Variants in LNPK observed in about 807,000 individuals in gnomAD.
LNPK encodes endoplasmic reticulum junction formation protein lunapark.
In LNPK, 29 loss-of-function variants were observed where a neutral mutation model predicts 55.2. That is an observed-to-expected ratio of 0.53 (90% CI 0.39 to 0.72). LNPK has a LOEUF of 0.72. Ranked by LOEUF, LNPK falls within the 30% of genes least tolerant of loss-of-function variation. The probability of loss-of-function intolerance (pLI) is 0.00; values close to 1 mark genes in which losing one functional copy is unlikely to be tolerated. For synonymous variants in LNPK, 162 were observed against 168.2 expected, an observed-to-expected ratio of 0.96 and a Z score of 0.29; for missense variants, 467 against 494.8, an observed-to-expected ratio of 0.94 and a Z score of 0.53.
At position 175,926,175 on chromosome 2, in the gene LNPK, G is replaced by C. The variant is rs560778059; in HGVS notation, c.*3792C>G. 1 of 152,260 alleles carries C rather than the reference G, an allele frequency of 6.6e-6. No homozygotes were observed. The highest frequency in any genetic ancestry group is 2.4e-5 in the African/African-American group (1 of 41,532). The allele number at this position is 152,260 out of a possible 1,614,324, so 9.4% of individuals were successfully genotyped here. On this transcript the variant is annotated 3_prime_UTR_variant, in exon 13 of 13. Coordinates refer to ENST00000272748, the MANE Select transcript of LNPK (RefSeq NM_030650.3). ...CAAATCCCTCTTTTTCCACTTACCA[G>C]GTATACAATTTTAAGCAAAGTTGCT...
Position 175,929,785 on chromosome 2 carries a change from T to C in LNPK, c.*182A>G. On this transcript the variant is annotated 3_prime_UTR_variant, in exon 13 of 13. Coordinates refer to ENST00000272748, the MANE Select transcript of LNPK (RefSeq NM_030650.3). ...AGGATCTTACTTCACTGATATAACT[T>C]GCTTTTAATTTTAATACCCAGTATA... The C allele has an allele frequency of 7.0e-7, 1 of 1,425,464 alleles. No individual in the cohort carries two copies. Among genetic ancestry groups the C allele is most frequent in the Non-Finnish European group, 9.1e-7 (1 of 1,094,270 alleles). The allele number at this position is 1,425,464 out of a possible 1,614,324, so 88.3% of individuals were successfully genotyped here.
intron 6 of LNPK, among the ~76,000 whole-genome samples, chr2:175,966,783 G>A (rs1376355958): frequency 2.6e-5 from 4 of 152,126 alleles, no homozygotes; most frequent in Admixed American, 6.5e-5. Flanking sequence ...TGGGTTCAAC[G>A]CACATTTCTA....
intron 5 of LNPK, among the ~76,000 whole-genome samples, chr2:175,977,212 TG>T (rs765326859): frequency 1.4e-4 from 22 of 152,194 alleles, no homozygotes; most frequent in Non-Finnish European, 2.9e-4. Context: ...TATCTGAATC[TG>T]TGGAAGTGAA....
At chr2:175,946,446 T>C (rs868671210) in intron 9 of LNPK, among the ~76,000 whole-genome samples, 2 of 152,172 alleles carry the variant, frequency 1.3e-5, no homozygotes, top group South Asian at 2.1e-4. Context: ...AGTATTGTTT[T>C]ATGTAACTAT....
At chr2:175,981,950 CTTTTT>C (rs999582147) in intron 4 of LNPK, among the ~76,000 whole-genome samples, 1 of 152,032 alleles carries the variant, frequency 6.6e-6, no homozygotes, top group African/African-American at 2.4e-5. Flanking sequence ...AGATAATACA[CTTTTT>C]TTTAATATTG....
At chr2:175,933,161 T>C (rs1484728423) in intron 12 of LNPK, among the ~76,000 whole-genome samples, 2 of 152,134 alleles carry the variant, frequency 1.3e-5, no homozygotes, top group Non-Finnish European at 2.9e-5. Context: ...TGAGATATTA[T>C]TATTATTTTG....
At chr2:175,995,503 T>A (rs1392665641) in intron 2 of LNPK, 55 bp downstream of exon 2, 1 of 1,410,130 alleles carries the variant, frequency 7.1e-7, no homozygotes. Context: ...CAAATAGCTT[T>A]ATGTGACACT....
intron 8 of LNPK, among the ~76,000 whole-genome samples, chr2:175,962,953 A>C (rs1223711635): frequency 1.3e-5 from 2 of 149,188 alleles, no homozygotes; most frequent in Non-Finnish European, 3.0e-5. Flanking sequence ...CACATGAAAA[A>C]ATGCTCATCA....
chr2:175,951,831 TACTAGTTTACATTCCC>T (rs1369265391), intron 8 of LNPK, among the ~76,000 whole-genome samples: 1 of 151,952 alleles, frequency 6.6e-6, no homozygotes, highest in Non-Finnish European at 1.5e-5. Flanking sequence ...ACAGTGGTTG[TACTAGTTTACATTCCC>T]ACCAGCAGTG....
rs1685423483 is a variant in LNPK at position 175,951,612 on chromosome 2, TCA to T, written c.494-3922_494-3921del. ...ATATATATATATATATATATATATC[TCA>T]GTTTCTTTATCCACTCATTGGTTAA... On this transcript the variant is annotated intron_variant, in intron 8 of 12. Transcript: ENST00000272748. 2.8e-5 allele frequency among the ~76,000 whole-genome samples: 4 copies of T among 143,768 alleles called. No homozygotes were observed. In the South Asian group the frequency reaches 8.6e-4, roughly 31 times the overall value. 94.3% of individuals were successfully genotyped at this position (143,768 alleles called of 152,430 possible). A position where few individuals can be genotyped will look rare whatever the true frequency, so the allele number is the denominator to read the frequency against.
Position 175,929,077 on chromosome 2 carries a change from A to C in LNPK, c.*890T>G. ...TTTTCAGGTAGCCAAGTCACCCACC[A>C]AGATACTGTTTGAAGAAGACTAGAT... On this transcript the variant is annotated 3_prime_UTR_variant, in exon 13 of 13. Transcript: ENST00000272748. 2.0e-6 allele frequency: 2 copies of C among 983,460 alleles called. No homozygotes were observed. The highest frequency in any genetic ancestry group is 2.4e-6 in the Non-Finnish European group (2 of 827,768). The allele number at this position is 983,460 out of a possible 1,614,324, so 60.9% of individuals were successfully genotyped here.
intron 9 of LNPK, chr2:175,941,119 C>T (rs1184901118): frequency 2.6e-6 from 1 of 377,752 alleles, no homozygotes; most frequent in East Asian, 7.8e-5. Flanking sequence ...GGTGTAGTGA[C>T]ATGCACCTGT....
In LNPK at chr2:175,967,731, TC is replaced by T. The variant is rs1286772212; in HGVS notation, c.357+3032del. 11 of 974,686 alleles carry T rather than the reference TC, an allele frequency of 1.1e-5. No individual in the cohort carries two copies. In the African/African-American group the frequency reaches 1.6e-4, roughly 14 times the overall value. The allele number at this position is 974,686 out of a possible 1,614,324, so 60.4% of individuals were successfully genotyped here. A position where few individuals can be genotyped will look rare whatever the true frequency, so the allele number is the denominator to read the frequency against. ...TACTAATTCAGATGTTATATCATTT[TC>T]TTTCATATAAGAGTATTCCACAATA... On this transcript the variant is annotated intron_variant, in intron 6 of 12. Coordinates refer to ENST00000272748, the MANE Select transcript of LNPK (RefSeq NM_030650.3).
intron 1 of LNPK, among the ~76,000 whole-genome samples, chr2:175,996,717 T>C (rs1488473286): frequency 6.6e-6 from 1 of 152,220 alleles, no homozygotes; most frequent in Non-Finnish European, 1.5e-5. Flanking sequence ...TGACATTGTA[T>C]ACAAGTCCCT....
intron 1 of LNPK, 42 bp downstream of exon 1, chr2:176,002,118 G>GC: frequency 2.5e-6 from 1 of 392,994 alleles, no homozygotes; most frequent in Non-Finnish European, 5.0e-6. Context: ...ATGCCTCCCC[G>GC]CTGCAGAGCC....
chr2:175,994,709 G>A (rs766541565), intron 2 of LNPK, among the ~76,000 whole-genome samples: 2 of 151,658 alleles, frequency 1.3e-5, no homozygotes, highest in East Asian at 1.9e-4. Context: ...TAGTAGAGAC[G>A]GGGTTATATA....
At chr2:175,951,909 A>AT (rs1238582387) in intron 8 of LNPK, among the ~76,000 whole-genome samples, 1 of 151,148 alleles carries the variant, frequency 6.6e-6, no homozygotes, top group East Asian at 2.0e-4. Context: ...TATTTTTTTA[A>AT]TTTTTTTATT....
chr2:175,951,605 A>ATATATATATATATATATATATCTATATC (rs1441190050), intron 8 of LNPK, among the ~76,000 whole-genome samples: 4 of 129,724 alleles, frequency 3.1e-5, no homozygotes, highest in African/African-American at 8.7e-5. Flanking sequence ...ATATATATAT[A>ATATATATATATATATATATATCTATATC]TATATCTCAG....
chr2:175,964,445 T>G (rs755090938), intron 7 of LNPK, 22 bp from the exon 8 acceptor site: 1 of 1,608,518 alleles, frequency 6.2e-7, no homozygotes, highest in Admixed American at 1.7e-5. Context: ...AATAATGTTA[T>G]TACAGTGACC....
Sources: allele counts gnomAD v4.1 joint callset (sites outside exome capture counted in the v4.1 genomes callset), GRCh38; gene constraint gnomAD v4.1.1; transcripts MANE v1.5; gene names NCBI Gene and HGNC (gene_info 2026-07-23, HGNC 2026-07-21).